Variants in WDR33 observed in about 807,000 individuals in gnomAD.
WDR33 encodes the protein WD repeat domain 33.
In WDR33, 47 loss-of-function variants were observed where a neutral mutation model predicts 164.9. That is an observed-to-expected ratio of 0.29 (90% CI 0.23 to 0.36). The LOEUF (loss-of-function observed/expected upper bound fraction) is 0.36, where lower values mean the gene tolerates loss of function less well. WDR33 is among the 10% of genes least tolerant of loss of function. The pLI, the probability that WDR33 is intolerant of heterozygous loss-of-function variation, is 1.00. For missense variants in WDR33, 1,137 were observed against 1,754.1 expected, an observed-to-expected ratio of 0.65 and a Z score of 6.28; for synonymous variants, 505 against 589.0, an observed-to-expected ratio of 0.86 and a Z score of 2.06.
chr2:127,782,096 A>G (rs1048739262), intron 1 of WDR33, among the ~76,000 whole-genome samples: 2 of 151,328 alleles, frequency 1.3e-5, no homozygotes, highest in African/African-American at 2.4e-5. Flanking sequence ...TTTGTGGATC[A>G]CTAAACTTGA....
At chr2:127,781,976 C>T (rs1448363708) in intron 1 of WDR33, among the ~76,000 whole-genome samples, 2 of 117,948 alleles carry the variant, frequency 1.7e-5, no homozygotes, top group Admixed American at 2.1e-4. Flanking sequence ...CCAGCCTGGG[C>T]AAGAAGAGCG....
In WDR33 at chr2:127,770,485, T is replaced by C. The variant is rs1687965184; in HGVS notation, c.204+293A>G. On this transcript the variant is annotated intron_variant, in intron 2 of 21. Transcript: ENST00000322313. This position sits in a 1 kb window ranked among gnomAD's most constrained non-coding sequence, Gnocchi z 4.9. ...CAGGTGGATCACCTGAGGTTAGGAG[T>C]TTGAGACCAGCCTGGCCAACATGGT... Among the ~76,000 whole-genome samples the C allele has an allele frequency of 6.6e-6, 1 of 151,276 alleles. No individual in the cohort carries two copies. The highest frequency in any genetic ancestry group is 2.1e-4 in the South Asian group (1 of 4,776).
intron 7 of WDR33, among the ~76,000 whole-genome samples, chr2:127,748,076 C>T (rs909113959): frequency 6.6e-6 from 1 of 152,198 alleles, no homozygotes; most frequent in African/African-American, 2.4e-5. Flanking sequence ...TCACCAATTA[C>T]AGCTTTAACC....
chr2:127,712,260 G>A lies in WDR33; in HGVS notation c.3308+1323C>T, dbSNP rs908522369. Among the ~76,000 whole-genome samples, 1 of 152,164 alleles carries A rather than the reference G, an allele frequency of 6.6e-6. No individual in the cohort carries two copies. Among genetic ancestry groups the A allele is most frequent in the Non-Finnish European group, 1.5e-5 (1 of 68,026 alleles). Reference sequence around the variant, plus strand: ...AAAAATACAAAAATTAGCCAGGCAAGGTGGTGTGAGCCTGTATCCCAGCTC... The same window carrying A: ...AAAAATACAAAAATTAGCCAGGCAAAGTGGTGTGAGCCTGTATCCCAGCTC... On this transcript the variant is annotated intron_variant, in intron 18 of 21. Coordinates refer to ENST00000322313, the MANE Select transcript of WDR33 (RefSeq NM_018383.5). This position sits in a 1 kb window ranked among gnomAD's most constrained non-coding sequence, Gnocchi z 4.0.
intron 1 of WDR33, among the ~76,000 whole-genome samples, chr2:127,800,482 A>G (rs1009564244): frequency 2.6e-5 from 4 of 152,122 alleles, no homozygotes; most frequent in African/African-American, 9.6e-5. Context: ...AAAAAATTCA[A>G]AAAAATTAGC....
intron 1 of WDR33, among the ~76,000 whole-genome samples, chr2:127,804,724 CTCTT>C (rs1211552966): frequency 6.6e-6 from 1 of 152,148 alleles, no homozygotes; most frequent in Non-Finnish European, 1.5e-5. Flanking sequence ...AAAGCAAAAG[CTCTT>C]TATTACAGAA....
Position 127,770,656 on chromosome 2 carries a change from A to C in WDR33, c.204+122T>G. 1 of 692,814 alleles carries C rather than the reference A, an allele frequency of 1.4e-6. No homozygotes were observed. Among genetic ancestry groups the C allele is most frequent in the Non-Finnish European group, 2.0e-6 (1 of 506,776 alleles). 42.9% of individuals were successfully genotyped at this position (692,814 alleles called of 1,614,324 possible). On this transcript the variant is annotated intron_variant, in intron 2 of 21. Transcript: ENST00000322313. This position sits in a 1 kb window ranked among gnomAD's most constrained non-coding sequence, Gnocchi z 4.9. The stretch of plus-strand genomic sequence containing the variant: ...CAGTGAGCCAAAACCACACCACTGC[A>C]CTCTGGCCTGGGCAACAAGAAAGAA...
intron 8 of WDR33, among the ~76,000 whole-genome samples, 154 bp from the exon 9 acceptor site, chr2:127,725,369 A>G (rs921786384): frequency 6.6e-6 from 1 of 152,226 alleles, no homozygotes; most frequent in African/African-American, 2.4e-5. Flanking sequence ...TTATAAACAC[A>G]CTTGAAAGAA....
At chr2:127,795,924 G>C (rs541354770) in intron 1 of WDR33, among the ~76,000 whole-genome samples, 3 of 151,828 alleles carry the variant, frequency 2.0e-5, no homozygotes, top group Non-Finnish European at 4.4e-5. Context: ...GAGACTAAAA[G>C]ATAAAAGCAA....
intron 7 of WDR33, among the ~76,000 whole-genome samples, chr2:127,727,593 A>T (rs921156129): frequency 1.6e-4 from 24 of 152,290 alleles, no homozygotes; most frequent in African/African-American, 5.5e-4. Flanking sequence ...TGGTTACTTC[A>T]GTAACCACCG....
chr2:127,753,062 G>C (rs1314507656), intron 7 of WDR33, among the ~76,000 whole-genome samples: 1 of 152,184 alleles, frequency 6.6e-6, no homozygotes, highest in Non-Finnish European at 1.5e-5. Context: ...GAGAAGCTGG[G>C]ATTACAGGCA....
chr2:127,763,161 T>C lies in WDR33; in HGVS notation c.627-2A>G, dbSNP rs1374354940. The C allele has an allele frequency of 6.2e-7, 1 of 1,614,032 alleles. No individual in the cohort carries two copies. On this transcript the variant is annotated splice_acceptor_variant, in intron 6 of 21. Coordinates refer to ENST00000322313, the MANE Select transcript of WDR33 (RefSeq NM_018383.5). LOFTEE classifies it high-confidence loss of function. This position sits in a 1 kb window ranked among gnomAD's most constrained non-coding sequence, Gnocchi z 4.5. Reference sequence around the variant, plus strand: ...AATTTATTATCCGTGGGTGAGAAACTGTTACATGAAGACACACAGCAGGGG... The same window carrying C: ...AATTTATTATCCGTGGGTGAGAAACCGTTACATGAAGACACACAGCAGGGG...
chr2:127,768,897 T>A, intron 3 of WDR33, 36 bp downstream of exon 3: 2 of 1,514,538 alleles, frequency 1.3e-6, no homozygotes, highest in Non-Finnish European at 1.8e-6. Context: ...AGCAAGGAAG[T>A]GTTTATTAAG....
chr2:127,805,751 G>A (rs1009002575), intron 1 of WDR33, among the ~76,000 whole-genome samples: 1 of 152,094 alleles, frequency 6.6e-6, no homozygotes. Flanking sequence ...CTCCTGGAAG[G>A]GGCTCCGGCC....
rs371356102 is a variant in WDR33, at chr2:127,763,421, C to T, written c.627-262G>A. On this transcript the variant is annotated intron_variant, in intron 6 of 21. Transcript: ENST00000322313. This position sits in a 1 kb window ranked among gnomAD's most constrained non-coding sequence, Gnocchi z 4.5. ...GTGTATTATTAGTGCTAATGCTATC[C>T]ATGTTCCTTCTCTATTTTCTATGAT... The T allele has an allele frequency of 8.3e-7, 1 of 1,203,102 alleles. No homozygotes were observed. Among genetic ancestry groups the T allele is most frequent in the South Asian group, 2.5e-5 (1 of 39,362 alleles). 74.5% of individuals were successfully genotyped at this position (1,203,102 alleles called of 1,614,324 possible).
rs186881939 is a variant in WDR33, at chr2:127,767,350, T to C, written c.378+839A>G. On this transcript the variant is annotated intron_variant, in intron 4 of 21. Coordinates refer to ENST00000322313, the MANE Select transcript of WDR33 (RefSeq NM_018383.5). ...AACACAAAGAAGAAAATGATTACAT[T>C]ATCATCTATGAAAATCGGGGTTATA... is the stretch of plus-strand genomic sequence containing the variant. Among the ~76,000 whole-genome samples the C allele has an allele frequency of 9.1e-4, 138 of 152,320 alleles. 1 individual carries two copies. In the East Asian group the frequency reaches 0.02, roughly 23 times the overall value.
At position 127,793,572 on chromosome 2, in the gene WDR33, C is replaced by T. The variant is rs938603271; in HGVS notation, c.-24+17440G>A. Among the ~76,000 whole-genome samples, 30 of 151,772 alleles carry T rather than the reference C, an allele frequency of 2.0e-4. 1 individual carries two copies. The highest frequency in any genetic ancestry group is 2.0e-3 in the Admixed American group (30 of 15,210). Reference sequence around the variant, plus strand: ...CCTGAGCAACATACTGAGATCCCATCTCTACAAAAATAAAATAAATTAGCC... The same window carrying T: ...CCTGAGCAACATACTGAGATCCCATTTCTACAAAAATAAAATAAATTAGCC... On this transcript the variant is annotated intron_variant, in intron 1 of 21. Coordinates refer to ENST00000322313, the MANE Select transcript of WDR33 (RefSeq NM_018383.5).
intron 7 of WDR33, among the ~76,000 whole-genome samples, chr2:127,749,224 G>A (rs972451722): frequency 3.3e-5 from 5 of 152,278 alleles, no homozygotes; most frequent in South Asian, 4.1e-4. Context: ...TGCAGTCCCA[G>A]CTACTCAGAA....
rs560566897 is a variant in WDR33 at position 127,766,848 on chromosome 2, C to A, written c.378+1341G>T. Among the ~76,000 whole-genome samples the A allele has an allele frequency of 1.1e-4, 17 of 152,152 alleles. No individual in the cohort carries two copies. The East Asian group carries it at 3.3e-3, about 29-fold the overall frequency. On this transcript the variant is annotated intron_variant, in intron 4 of 21. Transcript: ENST00000322313. Reference sequence around the variant, plus strand: ...GCAGTGGCACAATCTAGGCTCACTGCAACCTCCACCTCCCAGGTTCAAGTG... The same window carrying A: ...GCAGTGGCACAATCTAGGCTCACTGAAACCTCCACCTCCCAGGTTCAAGTG...
Sources: allele counts gnomAD v4.1 joint callset (sites outside exome capture counted in the v4.1 genomes callset), GRCh38; gene constraint gnomAD v4.1.1; non-coding constraint Gnocchi (gnomAD v3.1); transcripts MANE v1.5; gene names NCBI Gene and HGNC (gene_info 2026-07-23, HGNC 2026-07-21).